DNAJC10: variants seen among roughly 807,000 people sequenced by gnomAD.
DNAJC10 encodes DnaJ heat shock protein family (Hsp40) member C10.
DNAJC10 carries 101 observed loss-of-function variants against 115.0 expected under a neutral mutation model. That is an observed-to-expected ratio of 0.88 (90% CI 0.75 to 1.04). DNAJC10 has a LOEUF of 1.04. Among genes scored for constraint, DNAJC10 ranks in the 50% least tolerant of loss-of-function variants. DNAJC10 has a pLI of 0.00. For synonymous variants in DNAJC10, 307 were observed against 301.5 expected, an observed-to-expected ratio of 1.02 and a Z score of -0.19; for missense variants, 981 against 928.8, an observed-to-expected ratio of 1.06 and a Z score of -0.73.
chr2:182,758,175 A>G (rs34296268), intron 19 of DNAJC10, among the ~76,000 whole-genome samples: 3,860 of 152,214 alleles, frequency 0.025, 79 homozygotes, highest in Middle Eastern at 0.048. Context: ...TACCCTTCCT[A>G]CTATTACAGA....
intron 10 of DNAJC10, among the ~76,000 whole-genome samples, chr2:182,733,753 A>G (rs1459331581): frequency 2.8e-5 from 4 of 144,526 alleles, no homozygotes; most frequent in Non-Finnish European, 6.0e-5. Flanking sequence ...CTTTGAATCC[A>G]TATTTATAGA....
At chr2:182,724,925 A>G (rs988147700) in intron 5 of DNAJC10, among the ~76,000 whole-genome samples, 3 of 152,230 alleles carry the variant, frequency 2.0e-5, no homozygotes, top group African/African-American at 7.2e-5. Context: ...ATTTTATTAC[A>G]CTTTGATTTA....
chr2:182,746,035 G>T (rs1046143432), intron 14 of DNAJC10, among the ~76,000 whole-genome samples: 10 of 152,026 alleles, frequency 6.6e-5, no homozygotes, highest in Admixed American at 3.3e-4. Flanking sequence ...ATGATTTCCA[G>T]TTTCATCCAT....
intron 8 of DNAJC10, 77 bp from the exon 9 acceptor site, chr2:182,730,953 A>T: frequency 1.0e-6 from 1 of 987,826 alleles, no homozygotes; most frequent in Non-Finnish European, 1.5e-6. Flanking sequence ...AGAAAGGAAA[A>T]ATTACTTAGA....
At chr2:182,765,531 T>C (rs532184599) in intron 22 of DNAJC10, among the ~76,000 whole-genome samples, 1 of 152,296 alleles carries the variant, frequency 6.6e-6, no homozygotes, top group Admixed American at 6.5e-5. Context: ...TACCACCAGA[T>C]ACTTAAGAAA....
Position 182,718,018 on chromosome 2 carries a change from T to C in DNAJC10, c.-69T>C, listed in dbSNP as rs1693040315. On this transcript the variant is annotated 5_prime_UTR_variant, in exon 3 of 24. Coordinates refer to ENST00000264065, the MANE Select transcript of DNAJC10 (RefSeq NM_018981.4). ...GTAGACAGAAGTTCTCAAATTTGCA[T>C]ATTACATCAACTGGAACCAGCAGTG... The C allele has an allele frequency of 8.3e-7, 1 of 1,204,638 alleles. No homozygotes were observed. The highest frequency in any genetic ancestry group is 1.5e-5 in the African/African-American group (1 of 65,452). The allele number at this position is 1,204,638 out of a possible 1,614,324, so 74.6% of individuals were successfully genotyped here. A position where few individuals can be genotyped will look rare whatever the true frequency, so the allele number is the denominator to read the frequency against.
In DNAJC10 at chr2:182,756,637, G is replaced by GTA. The variant is rs1210613181; in HGVS notation, c.1809+171_1809+172dup. 2.0e-5 allele frequency among the ~76,000 whole-genome samples: 3 copies of GTA among 151,966 alleles called. No homozygotes were observed. The East Asian group carries it at 5.8e-4, about 29-fold the overall frequency. The stretch of plus-strand genomic sequence containing the variant: ...TCTGTTTCTGTCTGGTGTGTGAATG[G>GTA]TATAGCCTACCATTTTTGTGTGTAT... On this transcript the variant is annotated intron_variant, in intron 18 of 23. Coordinates refer to ENST00000264065, the MANE Select transcript of DNAJC10 (RefSeq NM_018981.4).
In DNAJC10 at chr2:182,787,242, T is replaced by G. The variant is rs1265331818; in HGVS notation, c.*10110T>G. On this transcript the variant is annotated 3_prime_UTR_variant, in exon 24 of 24. Coordinates refer to ENST00000264065, the MANE Select transcript of DNAJC10 (RefSeq NM_018981.4). ...ACTTCTTTTGGAAACTATACTGGCT[T>G]GACAGTCTCCCCATACTGATTCAGA... is the stretch of plus-strand genomic sequence containing the variant. The G allele has an allele frequency of 6.6e-6, 1 of 152,182 alleles. No individual in the cohort carries two copies. The highest frequency in any genetic ancestry group is 1.5e-5 in the Non-Finnish European group (1 of 68,052). The allele number at this position is 152,182 out of a possible 1,614,324, so 9.4% of individuals were successfully genotyped here.
rs893207945 is a variant in DNAJC10, at chr2:182,779,794, C to T, written c.*2662C>T. ...CAAAGTGGGAATTTTTTTAGAAGTA[C>T]GGTTATCAAAAAAACACATTTCCTA... On this transcript the variant is annotated 3_prime_UTR_variant, in exon 24 of 24. Coordinates refer to ENST00000264065, the MANE Select transcript of DNAJC10 (RefSeq NM_018981.4). 2.6e-5 allele frequency: 4 copies of T among 151,738 alleles called. No homozygotes were observed. Among genetic ancestry groups the T allele is most frequent in the South Asian group, 2.1e-4 (1 of 4,812 alleles). 9.4% of individuals were successfully genotyped at this position (151,738 alleles called of 1,614,324 possible).
rs112232193 is a variant in DNAJC10 at position 182,775,385 on chromosome 2, T to C, written c.2335T>C (p.Leu779=). The change falls in exon 23 of 24, where the codon TTG becomes CTG. Residue 779 remains leucine, a synonymous_variant. Coordinates refer to ENST00000264065, the MANE Select transcript of DNAJC10 (RefSeq NM_018981.4). ...AATCGCTGCCTTAATAAGTGAAAAA[T>C]TGGAAACTCTCCGAAATCAAGGCAA... The part of the protein sequence containing the change: ...KAIAALISEK[L]ETLRNQGKRN... 4.2e-4 allele frequency: 678 copies of C among 1,613,010 alleles called. 1 individual carries two copies. In the African/African-American group the frequency reaches 6.5e-3, roughly 16 times the overall value.
chr2:182,780,810 A>G lies in DNAJC10; in HGVS notation c.*3678A>G, dbSNP rs915755409. 6.6e-6 allele frequency: 1 copy of G among 152,178 alleles called. No individual in the cohort carries two copies. Among genetic ancestry groups the G allele is most frequent in the South Asian group, 2.1e-4 (1 of 4,828 alleles). 9.4% of individuals were successfully genotyped at this position (152,178 alleles called of 1,614,324 possible). On this transcript the variant is annotated 3_prime_UTR_variant, in exon 24 of 24. Coordinates refer to ENST00000264065, the MANE Select transcript of DNAJC10 (RefSeq NM_018981.4). ...CAAAGTCTCAACGCCAAACTGGTCT[A>G]CATCAGTATGGACTCCAGAAATGCA...
At chr2:182,770,782 A>T (rs1002059168) in intron 22 of DNAJC10, among the ~76,000 whole-genome samples, 2 of 152,160 alleles carry the variant, frequency 1.3e-5, no homozygotes, top group African/African-American at 2.4e-5. Context: ...CTCATTTCCT[A>T]ATTGAATACC....
intron 11 of DNAJC10, chr2:182,740,033 G>A: frequency 5.8e-6 from 6 of 1,033,376 alleles, no homozygotes; most frequent in Non-Finnish European, 7.0e-6. Context: ...ACACATCATA[G>A]TTAATTAAAA....
At chr2:182,719,613 C>A (rs1693092762) in intron 3 of DNAJC10, among the ~76,000 whole-genome samples, 1 of 151,660 alleles carries the variant, frequency 6.6e-6, no homozygotes, top group Non-Finnish European at 1.5e-5. Context: ...GTTGATTTTA[C>A]CTCAAATAGA....
chr2:182,754,697 G>A (rs914344124), intron 16 of DNAJC10: 31 of 1,049,758 alleles, frequency 3.0e-5, no homozygotes, highest in Middle Eastern at 4.4e-4. Context: ...TCTTACCTTG[G>A]TTCAGGAGAG....
intron 5 of DNAJC10, among the ~76,000 whole-genome samples, chr2:182,724,143 A>T (rs1421975817): frequency 6.6e-6 from 1 of 152,240 alleles, no homozygotes; most frequent in Non-Finnish European, 1.5e-5. Flanking sequence ...TACATAATAC[A>T]GTAAGGATTG....
chr2:182,740,228 G>T, intron 11 of DNAJC10, 71 bp from the exon 12 acceptor site: 2 of 1,196,514 alleles, frequency 1.7e-6, no homozygotes, highest in South Asian at 2.3e-5. Context: ...ATTGGAAATT[G>T]AAAAAACAAA....
chr2:182,752,260 A>T, intron 16 of DNAJC10, 72 bp downstream of exon 16: 1 of 709,654 alleles, frequency 1.4e-6, no homozygotes, highest in East Asian at 3.0e-5. Flanking sequence ...TTATTATTAA[A>T]ACATTAAAAT....
chr2:182,729,949 T>C lies in DNAJC10; in HGVS notation c.727+8T>C. On this transcript the variant is annotated splice_region_variant and intron_variant, in intron 8 of 23. Transcript: ENST00000264065. ...TGACAGAACTTTGGACAGGTAATTT[T>C]ATTTTCTTAATTTGCTTGATTTTCA... is the stretch of plus-strand genomic sequence containing the variant. The C allele has an allele frequency of 6.4e-7, 1 of 1,567,462 alleles. No homozygotes were observed. The highest frequency in any genetic ancestry group is 2.3e-5 in the East Asian group (1 of 44,236).
Sources: gnomAD v4.1 joint callset for allele counts (sites outside exome capture counted in the v4.1 genomes callset) on GRCh38, gnomAD v4.1.1 for gene constraint, MANE v1.5 for transcripts, NCBI Gene and HGNC (gene_info 2026-07-23, HGNC 2026-07-21) for gene names.